FUT8: variants seen among roughly 807,000 people sequenced by gnomAD.
FUT8 encodes the protein fucosyltransferase 8, also known as alpha-(1,6)-fucosyltransferase.
Under a neutral mutation model 71.3 loss-of-function variants are expected in FUT8, and 29 were observed. That is an observed-to-expected ratio of 0.41 (90% CI 0.30 to 0.55). The LOEUF is 0.55. FUT8 is among the 20% of genes least tolerant of loss of function. The pLI is 0.34. For synonymous variants in FUT8, 254 were observed against 239.3 expected (o/e 1.06, Z -0.57); for missense variants, 544 against 702.1 (o/e 0.77, Z 2.55).
chr14:65,687,692 C>A (rs1893361751), intron 7 of FUT8, among the ~76,000 whole-genome samples: 1 of 151,064 alleles, frequency 6.6e-6, no homozygotes. Flanking sequence ...CCCTATATAC[C>A]CCCCACTCCC....
intron 3 of FUT8, 143 bp downstream of exon 3, chr14:65,561,909 T>A: frequency 2.8e-6 from 2 of 713,156 alleles, no homozygotes; most frequent in Non-Finnish European, 2.3e-6. Context: ...GTTTTCTATC[T>A]CTGTGTATTT....
chr14:65,454,223 C>T (rs2065867041), intron 1 of FUT8, among the ~76,000 whole-genome samples: 1 of 152,186 alleles, frequency 6.6e-6, no homozygotes, highest in Non-Finnish European at 1.5e-5. Context: ...TTACAATAAA[C>T]CTTTGCTGAC....
chr14:65,741,511 A>T lies in FUT8; in HGVS notation c.1411-582A>T, dbSNP rs558094111. On this transcript the variant is annotated intron_variant, in intron 10 of 10. Transcript: ENST00000673929. ...CAGCACACCAACATGGCACATGTAT[A>T]CATATGTAACTAACCTGCACGTTGT... Among the ~76,000 whole-genome samples, 608 of 152,166 alleles carry T rather than the reference A, an allele frequency of 4.0e-3. 5 individuals carry two copies. The highest frequency in any genetic ancestry group is 0.014 in the African/African-American group (572 of 41,532).
intron 7 of FUT8, among the ~76,000 whole-genome samples, chr14:65,696,135 C>G (rs889062670): frequency 2.6e-5 from 4 of 152,114 alleles, no homozygotes; most frequent in Non-Finnish European, 5.9e-5. Context: ...TTTGAATACA[C>G]TGTAGGTAAA....
chr14:65,716,659 T>G (rs201643170), intron 7 of FUT8, among the ~76,000 whole-genome samples: 1 of 152,032 alleles, frequency 6.6e-6, no homozygotes, highest in Non-Finnish European at 1.5e-5. Context: ...ACAATCTGAT[T>G]TCTCTTTCTT....
chr14:65,363,495 G>T, the FUT8 span, among the ~76,000 whole-genome samples: 2 of 152,184 alleles, frequency 1.3e-5, no homozygotes, highest in African/African-American at 4.8e-5. Context: ...GACCTCAGGT[G>T]ATCTGTCCGC....
At chr14:65,649,968 A>C (rs1488485615) in intron 6 of FUT8, among the ~76,000 whole-genome samples, 1 of 152,154 alleles carries the variant, frequency 6.6e-6, no homozygotes, top group Non-Finnish European at 1.5e-5. Flanking sequence ...AACACATCAT[A>C]CACTATATAT....
chr14:65,558,305 C>A (rs1222002750), intron 2 of FUT8, among the ~76,000 whole-genome samples: 3 of 145,654 alleles, frequency 2.1e-5, no homozygotes, highest in African/African-American at 7.7e-5. Context: ...GCACTCCAGC[C>A]TGGGCAACAG....
At chr14:65,637,985 A>T (rs10148529) in intron 6 of FUT8, among the ~76,000 whole-genome samples, 105,210 of 152,054 alleles carry the variant, frequency 0.69, 36,670 homozygotes, top group East Asian at 0.89. Flanking sequence ...AAAACCACAA[A>T]GTTAATGTCA....
intron 7 of FUT8, among the ~76,000 whole-genome samples, chr14:65,670,191 T>C (rs1340822185): frequency 6.6e-6 from 1 of 152,166 alleles, no homozygotes; most frequent in Non-Finnish European, 1.5e-5. Flanking sequence ...TAGAAAAGAA[T>C]TTCTTACCGC....
At chr14:65,685,264 C>G (rs1470938381) in intron 7 of FUT8, among the ~76,000 whole-genome samples, 3 of 152,160 alleles carry the variant, frequency 2.0e-5, no homozygotes, top group Non-Finnish European at 2.9e-5. Context: ...GATTTGGACA[C>G]AGTTTTCCCT....
intron 1 of FUT8, among the ~76,000 whole-genome samples, chr14:65,432,014 A>T (rs2065484296): frequency 6.6e-6 from 1 of 152,142 alleles, no homozygotes; most frequent in Admixed American, 6.5e-5. Context: ...TTTTACTAAA[A>T]CTGTTCTTTC....
chr14:65,608,145 T>C lies in FUT8; in HGVS notation c.204-7833T>C, dbSNP rs191535424. Among the ~76,000 whole-genome samples the C allele has an allele frequency of 4.5e-4, 68 of 151,954 alleles. 1 individual carries two copies. Among genetic ancestry groups the C allele is most frequent in the Non-Finnish European group, 5.9e-5 (4 of 67,924 alleles). ...TTGACCACTGAAAATTTTTATATATTATTGAGTTCATTTTGTAGTTTAATT... is the reference window on the plus strand; with the variant it reads ...TTGACCACTGAAAATTTTTATATATCATTGAGTTCATTTTGTAGTTTAATT... On this transcript the variant is annotated intron_variant, in intron 3 of 10. Coordinates refer to ENST00000673929, the MANE Select transcript of FUT8 (RefSeq NM_001371533.1).
chr14:65,521,169 T>C (rs1883052189), intron 2 of FUT8, among the ~76,000 whole-genome samples: 1 of 152,108 alleles, frequency 6.6e-6, no homozygotes, highest in South Asian at 2.1e-4. Context: ...GTATGAATCT[T>C]ATATAGTGAT....
intron 3 of FUT8, among the ~76,000 whole-genome samples, chr14:65,614,206 A>C (rs1264164018): frequency 6.6e-6 from 1 of 152,176 alleles, no homozygotes; most frequent in African/African-American, 2.4e-5. Flanking sequence ...CATGATGGTA[A>C]GAATAGATAG....
intron 7 of FUT8, among the ~76,000 whole-genome samples, chr14:65,670,805 T>G (rs1036643930): frequency 6.6e-6 from 1 of 152,210 alleles, no homozygotes; most frequent in African/African-American, 2.4e-5. Flanking sequence ...TACTTTGAGT[T>G]GCTCTGCAAG....
chr14:65,565,354 C>G lies in FUT8; in HGVS notation c.203+3588C>G, dbSNP rs142709501. Among the ~76,000 whole-genome samples, 435 of 151,850 alleles carry G rather than the reference C, an allele frequency of 2.9e-3. 3 individuals are homozygous for G. The highest frequency in any genetic ancestry group is 1.0e-2 in the African/African-American group (414 of 41,432). On this transcript the variant is annotated intron_variant, in intron 3 of 10. Coordinates refer to ENST00000673929, the MANE Select transcript of FUT8 (RefSeq NM_001371533.1). ...CAACGTGAGTTTTGATGAGGACAAACCACATCCAAATCATAGCAAGATATA... is the reference window on the plus strand; with the variant it reads ...CAACGTGAGTTTTGATGAGGACAAAGCACATCCAAATCATAGCAAGATATA...
intron 2 of FUT8, chr14:65,471,073 T>C: frequency 6.4e-6 from 3 of 466,898 alleles, no homozygotes; most frequent in South Asian, 4.7e-5. Context: ...AATCCTGTGT[T>C]GTACAAGAGC....
At chr14:65,459,481 C>T (rs906788026) in intron 2 of FUT8, among the ~76,000 whole-genome samples, 17 of 152,024 alleles carry the variant, frequency 1.1e-4, no homozygotes, top group Non-Finnish European at 2.5e-4. Context: ...GCCTGTTTAA[C>T]TTAAAATTAA....
Sources: gnomAD v4.1 joint callset for allele counts (sites outside exome capture counted in the v4.1 genomes callset) on GRCh38, gnomAD v4.1.1 for gene constraint, MANE v1.5 for transcripts, NCBI Gene and HGNC (gene_info 2026-07-23, HGNC 2026-07-21) for gene names.